QTMAN: variants seen among roughly 807,000 people sequenced by gnomAD.
QTMAN encodes queuosine-tRNA mannosyltransferase, also known as tRNA-queuosine alpha-mannosyltransferase.
chr2:144,069,790 T>C, the QTMAN span, among the ~76,000 whole-genome samples: 2 of 152,114 alleles, frequency 1.3e-5, no homozygotes, highest in Admixed American at 1.3e-4. Flanking sequence ...ACAGCATTAA[T>C]CATTAGCATT....
chr2:144,133,463 A>ATT, the QTMAN span, among the ~76,000 whole-genome samples: 2 of 61,518 alleles, frequency 3.3e-5, no homozygotes, highest in African/African-American at 1.3e-4. Context: ...TATAATATAT[A>ATT]TTATATATTA....
At chr2:144,231,033 G>C in the QTMAN span, among the ~76,000 whole-genome samples, 44 of 152,116 alleles carry the variant, frequency 2.9e-4, no homozygotes, top group African/African-American at 9.9e-4. Context: ...TGAAATACTT[G>C]TAAAAGTATT....
the QTMAN span, among the ~76,000 whole-genome samples, chr2:144,273,587 A>G: frequency 6.6e-6 from 1 of 152,298 alleles, no homozygotes; most frequent in East Asian, 1.9e-4. Context: ...GGAGTACTCT[A>G]AGGACTGGTC....
the QTMAN span, among the ~76,000 whole-genome samples, chr2:143,995,717 C>T: frequency 6.6e-6 from 1 of 152,130 alleles, no homozygotes; most frequent in Admixed American, 6.5e-5. Flanking sequence ...TGTTTAAAAT[C>T]AGGAAGCTTA....
At chr2:143,947,237 C>T in the QTMAN span, 25 of 797,106 alleles carry the variant, frequency 3.1e-5, no homozygotes, top group Middle Eastern at 2.8e-4. Flanking sequence ...GCATCACTTA[C>T]GTCAATTACA....
chr2:144,286,749 G>A, the QTMAN span, among the ~76,000 whole-genome samples: 3 of 152,100 alleles, frequency 2.0e-5, no homozygotes, highest in Admixed American at 1.3e-4. Context: ...AAATGTGGGG[G>A]ACAACTCCAC....
the QTMAN span, among the ~76,000 whole-genome samples, chr2:144,134,844 T>A: frequency 6.6e-6 from 1 of 152,184 alleles, no homozygotes; most frequent in African/African-American, 2.4e-5. Context: ...AGTGGGTGTT[T>A]TTTTAAGATC....
At chr2:143,988,458 CTTAAG>C in the QTMAN span, among the ~76,000 whole-genome samples, 2 of 152,166 alleles carry the variant, frequency 1.3e-5, no homozygotes, top group Non-Finnish European at 1.5e-5. Flanking sequence ...ATTCTTAGAA[CTTAAG>C]TTGAGTTAAA....
the QTMAN span, among the ~76,000 whole-genome samples, chr2:144,134,102 G>T: frequency 6.6e-6 from 1 of 152,106 alleles, no homozygotes; most frequent in African/African-American, 2.4e-5. Context: ...GGGAGCCACG[G>T]GGGCTGCCTT....
the QTMAN span, among the ~76,000 whole-genome samples, chr2:144,075,162 G>C: frequency 6.6e-6 from 1 of 152,168 alleles, no homozygotes; most frequent in Non-Finnish European, 1.5e-5. Flanking sequence ...CTTGTGAAAG[G>C]TAATAAAGTT....
chr2:144,134,076 CAA>C, the QTMAN span, among the ~76,000 whole-genome samples: 1 of 152,104 alleles, frequency 6.6e-6, no homozygotes, highest in Non-Finnish European at 1.5e-5. Context: ...TGGCAGAAAA[CAA>C]AAAGTTTTCC....
the QTMAN span, among the ~76,000 whole-genome samples, chr2:144,015,421 T>C: frequency 1.2e-4 from 18 of 152,110 alleles, no homozygotes; most frequent in Non-Finnish European, 2.6e-4. Context: ...TATACTACTT[T>C]CTCAGTGCCC....
chr2:144,093,055 T>G, the QTMAN span, among the ~76,000 whole-genome samples: 3 of 152,126 alleles, frequency 2.0e-5, no homozygotes, highest in Non-Finnish European at 1.5e-5. Context: ...TGGAAAAAAT[T>G]ACATGACCGC....
the QTMAN span, among the ~76,000 whole-genome samples, chr2:144,180,966 C>A: frequency 6.6e-6 from 1 of 152,134 alleles, no homozygotes; most frequent in African/African-American, 2.4e-5. Context: ...AACAGATTCA[C>A]TAGTAATACT....
chr2:143,967,479 C>T, the QTMAN span, among the ~76,000 whole-genome samples: 1 of 151,958 alleles, frequency 6.6e-6, no homozygotes. Flanking sequence ...TACCCGCGTG[C>T]ACTACCATGC....
chr2:144,128,373 C>T, the QTMAN span: 3 of 151,994 alleles, frequency 2.0e-5, no homozygotes, highest in African/African-American at 7.2e-5. Flanking sequence ...GAGTCATATG[C>T]ATTTTCATCT....
the QTMAN span, among the ~76,000 whole-genome samples, chr2:144,155,957 T>C: frequency 6.7e-6 from 1 of 148,738 alleles, no homozygotes; most frequent in African/African-American, 2.5e-5. Flanking sequence ...CCAGGAAAAA[T>C]ATAGGGACTT....
the QTMAN span, among the ~76,000 whole-genome samples, chr2:144,051,565 G>A: frequency 6.6e-6 from 1 of 152,134 alleles, no homozygotes; most frequent in African/African-American, 2.4e-5. Context: ...TCGCTACTAT[G>A]TACAAGGTAT....
At chr2:144,014,488 A>G in the QTMAN span, among the ~76,000 whole-genome samples, 26 of 152,308 alleles carry the variant, frequency 1.7e-4, no homozygotes, top group Middle Eastern at 3.4e-3. Context: ...GCGATAAGAT[A>G]GGAAAAACAG....
Sources: gnomAD v4.1 joint callset for allele counts (sites outside exome capture counted in the v4.1 genomes callset) on GRCh38, gnomAD v4.1.1 for gene constraint, MANE v1.5 for transcripts, NCBI Gene and HGNC (gene_info 2026-07-23, HGNC 2026-07-21) for gene names.